HRH2: variants seen among roughly 807,000 people sequenced by gnomAD.
HRH2 encodes histamine H2 receptor.
In HRH2, 4 loss-of-function variants were observed where a neutral mutation model predicts 20.1. The observed-to-expected ratio is 0.20, with a 90% CI of 0.10 to 0.45. HRH2 has a LOEUF of 0.45. HRH2 is among the 20% of genes least tolerant of loss of function. HRH2 has a pLI of 0.99. For missense variants in HRH2, 250 were observed against 461.6 expected (o/e 0.54, Z 4.20); for synonymous variants, 197 against 200.7 (o/e 0.98, Z 0.16).
chr5:175,675,259 T>A (rs1285670030), intron 1 of HRH2, among the ~76,000 whole-genome samples: 5 of 152,198 alleles, frequency 3.3e-5, no homozygotes, highest in African/African-American at 1.2e-4. Context: ...ATCATTCTCA[T>A]GGGTTGAAAT....
At chr5:175,689,153 G>A (rs892576320) in intron 2 of HRH2, among the ~76,000 whole-genome samples, 1 of 152,124 alleles carries the variant, frequency 6.6e-6, no homozygotes, top group Admixed American at 6.5e-5. Context: ...AGGTTTTCAG[G>A]CATAAATTGG....
At chr5:175,670,867 T>A (rs1755507263) in intron 1 of HRH2, among the ~76,000 whole-genome samples, 1 of 152,240 alleles carries the variant, frequency 6.6e-6, no homozygotes, top group Non-Finnish European at 1.5e-5. Flanking sequence ...CCAGGCCATA[T>A]CCAGATTTGG....
At position 175,687,629 on chromosome 5, in the gene HRH2, C is replaced by G. The variant is rs747975968; in HGVS notation, c.1076+3320C>G. Among the ~76,000 whole-genome samples, 1 of 152,130 alleles carries G rather than the reference C, an allele frequency of 6.6e-6. No homozygotes were observed. The highest frequency in any genetic ancestry group is 2.4e-5 in the African/African-American group (1 of 41,438). On this transcript the variant is annotated intron_variant, in intron 2 of 2. Transcript: ENST00000636584. The surrounding 1 kb of genome is among the most constrained non-coding windows in gnomAD (Gnocchi z 5.2). ...CCGGCTGGTCCCACCATTCGAGAAC[C>G]TGCTGGCTGCCTTATGGGCAGACAC...
At chr5:175,662,089 C>T (rs1392221070) in intron 1 of HRH2, among the ~76,000 whole-genome samples, 1 of 151,854 alleles carries the variant, frequency 6.6e-6, no homozygotes, top group African/African-American at 2.4e-5. Flanking sequence ...TGGGGTGTGG[C>T]GAGAGTGGTG....
intron 1 of HRH2, among the ~76,000 whole-genome samples, chr5:175,659,459 C>T (rs183899419): frequency 2.6e-5 from 4 of 152,190 alleles, no homozygotes; most frequent in Non-Finnish European, 4.4e-5. Flanking sequence ...TAACTTATCT[C>T]GAGAACCTGC....
At chr5:175,679,012 T>G (rs757096614) in intron 1 of HRH2, among the ~76,000 whole-genome samples, 4 of 152,206 alleles carry the variant, frequency 2.6e-5, no homozygotes, top group African/African-American at 7.2e-5. Context: ...TGGCATTTCT[T>G]CTGGGGTTTC....
chr5:175,686,352 A>C lies in HRH2; in HGVS notation c.1076+2043A>C, dbSNP rs1316951513. ...TTCAGTTGAGTCCTTAAGGGAACTT[A>C]TTCATTCAATAAGCACTTAACAACA... On this transcript the variant is annotated intron_variant, in intron 2 of 2. Transcript: ENST00000636584. The surrounding 1 kb of genome is among the most constrained non-coding windows in gnomAD (Gnocchi z 4.7). The C allele has an allele frequency of 1.3e-5, 2 of 152,250 alleles. No individual in the cohort carries two copies. The highest frequency in any genetic ancestry group is 2.9e-5 in the Non-Finnish European group (2 of 68,052). The allele number at this position is 152,250 out of a possible 1,614,324, so 9.4% of individuals were successfully genotyped here.
At chr5:175,700,412 A>C (rs1229490952) in intron 2 of HRH2, among the ~76,000 whole-genome samples, 1 of 152,218 alleles carries the variant, frequency 6.6e-6, no homozygotes, top group African/African-American at 2.4e-5. Flanking sequence ...AGATGATGAA[A>C]GATCCAATGC....
chr5:175,672,794 G>T (rs1445062043), intron 1 of HRH2, among the ~76,000 whole-genome samples: 3 of 152,158 alleles, frequency 2.0e-5, no homozygotes, highest in African/African-American at 7.2e-5. Flanking sequence ...AGGGCCATGT[G>T]GGGTGGGGGA....
intron 2 of HRH2, chr5:175,685,960 T>C (rs949079126): frequency 1.3e-5 from 2 of 156,788 alleles, no homozygotes; most frequent in African/African-American, 4.8e-5. Flanking sequence ...AGGGGTGGAG[T>C]GTCCCTCCAT....
At chr5:175,666,203 G>A (rs935693956) in intron 1 of HRH2, among the ~76,000 whole-genome samples, 7 of 152,158 alleles carry the variant, frequency 4.6e-5, no homozygotes, top group African/African-American at 1.7e-4. Flanking sequence ...CTACCTAGAG[G>A]CTGAGCCAGT....
At chr5:175,698,991 C>T (rs1756704271) in intron 2 of HRH2, among the ~76,000 whole-genome samples, 2 of 152,250 alleles carry the variant, frequency 1.3e-5, no homozygotes, top group Non-Finnish European at 2.9e-5. Context: ...CACTGCCCCT[C>T]AGTCTCTTTC....
chr5:175,678,642 C>T (rs949950160), intron 1 of HRH2, among the ~76,000 whole-genome samples: 2 of 152,246 alleles, frequency 1.3e-5, no homozygotes, highest in South Asian at 2.1e-4. Flanking sequence ...CCGTGACGCT[C>T]GCCCAGAAGG....
chr5:175,692,224 A>G (rs1287943828), intron 2 of HRH2, among the ~76,000 whole-genome samples: 1 of 152,272 alleles, frequency 6.6e-6, no homozygotes, highest in Non-Finnish European at 1.5e-5. Context: ...CAGCCCGTAC[A>G]TAAATGGATG....
intron 1 of HRH2, among the ~76,000 whole-genome samples, chr5:175,671,413 A>C (rs900059434): frequency 6.6e-5 from 10 of 152,180 alleles, no homozygotes; most frequent in Non-Finnish European, 1.3e-4. Flanking sequence ...CCTCCAAGGA[A>C]TGAGGCTGGG....
intron 1 of HRH2, among the ~76,000 whole-genome samples, chr5:175,662,984 T>A (rs1762782926): frequency 1.3e-5 from 2 of 152,226 alleles, no homozygotes; most frequent in Admixed American, 6.5e-5. Flanking sequence ...ATCCATGTTG[T>A]TGCATGTATC....
intron 2 of HRH2, among the ~76,000 whole-genome samples, chr5:175,691,863 CAA>C (rs1196440601): frequency 8.1e-6 from 1 of 123,468 alleles, no homozygotes. Context: ...GACTCCATCT[CAA>C]AAAAAAAAAG....
chr5:175,668,033 C>A (rs1755359564), intron 1 of HRH2, among the ~76,000 whole-genome samples: 1 of 152,314 alleles, frequency 6.6e-6, no homozygotes. Flanking sequence ...TGCTGTGTCT[C>A]TTTGAAACCT....
intron 1 of HRH2, among the ~76,000 whole-genome samples, chr5:175,659,170 G>A (rs1220389143): frequency 6.6e-6 from 1 of 152,178 alleles, no homozygotes; most frequent in Non-Finnish European, 1.5e-5. Flanking sequence ...AGCCTCCACT[G>A]CACACCTGTC....
Sources: gnomAD v4.1 joint callset for allele counts (sites outside exome capture counted in the v4.1 genomes callset) on GRCh38, gnomAD v4.1.1 for gene constraint, Gnocchi (gnomAD v3.1) non-coding constraint, MANE v1.5 for transcripts, NCBI Gene and HGNC (gene_info 2026-07-23, HGNC 2026-07-21) for gene names.